ROBO1: variants seen among roughly 807,000 people sequenced by gnomAD.
ROBO1 encodes the protein roundabout homolog 1.
A neutral mutation model predicts 195.9 loss-of-function variants in ROBO1; 149 were observed. The observed-to-expected ratio is 0.76, with a 90% CI of 0.67 to 0.87. ROBO1 has a LOEUF of 0.87. Among genes scored for constraint, ROBO1 ranks in the 40% least tolerant of loss-of-function variants. ROBO1 has a pLI of 0.00. For synonymous variants in ROBO1, 816 were observed against 733.2 expected, an observed-to-expected ratio of 1.11 and a Z score of -1.82; for missense variants, 1,933 against 2,068.3, an observed-to-expected ratio of 0.93 and a Z score of 1.27.
At chr3:78,911,406 C>T (rs904102637) in intron 4 of ROBO1, among the ~76,000 whole-genome samples, 15 of 152,032 alleles carry the variant, frequency 9.9e-5, no homozygotes, top group Admixed American at 8.5e-4. Flanking sequence ...AAAAGCAGAG[C>T]ATCTAATTCT....
At chr3:78,825,464 C>A (rs1340855710) in intron 4 of ROBO1, among the ~76,000 whole-genome samples, 13 of 152,156 alleles carry the variant, frequency 8.5e-5, no homozygotes. Flanking sequence ...CCCAACAGAA[C>A]TCTATTCGAA....
chr3:79,754,003 A>C (rs775034559), intron 1 of ROBO1, among the ~76,000 whole-genome samples: 1 of 152,202 alleles, frequency 6.6e-6, no homozygotes, highest in Non-Finnish European at 1.5e-5. Context: ...ACACTATTTC[A>C]TAAAGTTTGG....
intron 2 of ROBO1, among the ~76,000 whole-genome samples, chr3:79,144,583 T>C (rs2080605235): frequency 6.6e-6 from 1 of 152,004 alleles, no homozygotes; most frequent in Admixed American, 6.6e-5. Context: ...GAACCTAATC[T>C]GAGATGAAGA....
chr3:79,237,253 C>G (rs542872813), intron 2 of ROBO1, among the ~76,000 whole-genome samples: 1 of 152,028 alleles, frequency 6.6e-6, no homozygotes, highest in Non-Finnish European at 1.5e-5. Context: ...GAGCCCGAGG[C>G]GGGCGGATCA....
At chr3:79,580,644 T>C (rs1184629953) in intron 2 of ROBO1, among the ~76,000 whole-genome samples, 1 of 152,112 alleles carries the variant, frequency 6.6e-6, no homozygotes, top group African/African-American at 2.4e-5. Context: ...ACATACTGTT[T>C]TATATATAAA....
At position 79,176,921 on chromosome 3, in the gene ROBO1, T is replaced by C. The variant is rs2081270475; in HGVS notation, c.89-51382A>G. Reference sequence around the variant, plus strand: ...ATATTCTACAAAATATATTAGCTCATAGTGCCAGTTATTACCTGTCTAATT... The same window carrying C: ...ATATTCTACAAAATATATTAGCTCACAGTGCCAGTTATTACCTGTCTAATT... On this transcript the variant is annotated intron_variant, in intron 2 of 30. Coordinates refer to ENST00000464233, the MANE Select transcript of ROBO1 (RefSeq NM_002941.4). Among the ~76,000 whole-genome samples, 4 of 152,204 alleles carry C rather than the reference T, an allele frequency of 2.6e-5. No individual in the cohort carries two copies. The South Asian group carries it at 8.3e-4, about 31-fold the overall frequency.
chr3:79,108,318 A>C (rs2079821668), intron 3 of ROBO1, among the ~76,000 whole-genome samples: 1 of 151,712 alleles, frequency 6.6e-6, no homozygotes, highest in Non-Finnish European at 1.5e-5. Context: ...CTCTATATTA[A>C]CTTTTTCTCA....
chr3:78,714,570 G>T, intron 7 of ROBO1, 46 bp from the exon 8 acceptor site: 1 of 1,562,950 alleles, frequency 6.4e-7, no homozygotes, highest in South Asian at 1.2e-5. Flanking sequence ...CTTTCTACTT[G>T]AAAGATCTCA....
At chr3:79,741,443 G>T (rs1346208385) in intron 1 of ROBO1, among the ~76,000 whole-genome samples, 1 of 151,956 alleles carries the variant, frequency 6.6e-6, no homozygotes, top group African/African-American at 2.4e-5. Context: ...TCTGTCACCA[G>T]AACTCAGATT....
chr3:79,706,928 T>C (rs1947790684), intron 1 of ROBO1, among the ~76,000 whole-genome samples: 1 of 152,182 alleles, frequency 6.6e-6, no homozygotes, highest in South Asian at 2.1e-4. Flanking sequence ...TGAGGATTTT[T>C]ACATTGATAT....
rs200155803 is a variant in ROBO1 at position 79,664,711 on chromosome 3, A to G, written c.-50-74750T>C. On this transcript the variant is annotated intron_variant, in intron 1 of 30. Transcript: ENST00000464233. ...CCCATTCATTTACGGTGCTTGTTAC[A>G]TTCTCTCTCTCTGCTATGACGGCCC... 2.0e-4 allele frequency among the ~76,000 whole-genome samples: 30 copies of G among 152,040 alleles called. No homozygotes were observed. In the East Asian group the frequency reaches 5.6e-3, roughly 29 times the overall value.
Position 78,717,136 on chromosome 3 carries a change from A to C in ROBO1, c.917+139T>G, listed in dbSNP as rs199753750. The C allele has an allele frequency of 2.3e-4, 190 of 837,198 alleles. No homozygotes were observed. The East Asian group carries it at 5.5e-3, about 24-fold the overall frequency. 51.9% of individuals were successfully genotyped at this position (837,198 alleles called of 1,614,324 possible). ...GCAGGATGGCAACCTCCTGCTTCTA[A>C]TTATCTCCAGTATTGTATCTGGCCC... On this transcript the variant is annotated intron_variant, in intron 7 of 30. Transcript: ENST00000464233.
intron 2 of ROBO1, among the ~76,000 whole-genome samples, chr3:79,172,179 G>C (rs988020496): frequency 6.6e-6 from 1 of 152,016 alleles, no homozygotes; most frequent in Non-Finnish European, 1.5e-5. Context: ...AGATCCTGTG[G>C]TCTACTCATT....
chr3:79,668,114 A>C (rs1427149071), intron 1 of ROBO1, among the ~76,000 whole-genome samples: 1 of 151,872 alleles, frequency 6.6e-6, no homozygotes, highest in Non-Finnish European at 1.5e-5. Flanking sequence ...GTTTTTAAAA[A>C]TATATGTTAT....
chr3:79,561,807 T>C (rs1010021356), intron 2 of ROBO1, among the ~76,000 whole-genome samples: 9 of 152,228 alleles, frequency 5.9e-5, no homozygotes, highest in African/African-American at 2.2e-4. Context: ...AGATGAAGAC[T>C]GCACTGTGGA....
intron 2 of ROBO1, among the ~76,000 whole-genome samples, chr3:79,231,208 A>C (rs1020277914): frequency 6.6e-6 from 1 of 152,220 alleles, no homozygotes; most frequent in South Asian, 2.1e-4. Flanking sequence ...TATAAGCAAA[A>C]ATTGGTAAAT....
intron 2 of ROBO1, among the ~76,000 whole-genome samples, chr3:79,316,790 A>G (rs1414130965): frequency 6.6e-6 from 1 of 152,142 alleles, no homozygotes; most frequent in Non-Finnish European, 1.5e-5. Flanking sequence ...TATTCTTTGC[A>G]AGATTATGCC....
At chr3:79,756,294 G>C (rs1704390823) in intron 1 of ROBO1, among the ~76,000 whole-genome samples, 1 of 152,146 alleles carries the variant, frequency 6.6e-6, no homozygotes. Flanking sequence ...GCTCATGCCT[G>C]TAATCCCAGC....
intron 2 of ROBO1, among the ~76,000 whole-genome samples, chr3:79,378,061 T>C (rs1256715838): frequency 6.6e-6 from 1 of 152,036 alleles, no homozygotes; most frequent in Non-Finnish European, 1.5e-5. Context: ...CTCCAATATA[T>C]ATATACTCAA....
Sources: allele counts gnomAD v4.1 joint callset (sites outside exome capture counted in the v4.1 genomes callset), GRCh38; gene constraint gnomAD v4.1.1; transcripts MANE v1.5; gene names NCBI Gene and HGNC (gene_info 2026-07-23, HGNC 2026-07-21).